Variants in RAPGEF4 observed in about 807,000 individuals in gnomAD.
RAPGEF4 encodes RAP guanine-nucleotide-exchange factor (GEF) 4.
A neutral mutation model predicts 147.9 loss-of-function variants in RAPGEF4; 66 were observed. The ratio of observed to expected loss-of-function variants is 0.45; its 90% CI spans 0.37 to 0.55. RAPGEF4 has a LOEUF of 0.55. Among genes scored for constraint, RAPGEF4 ranks in the 20% least tolerant of loss-of-function variants. The pLI, the probability that RAPGEF4 is intolerant of heterozygous loss-of-function variation, is 0.00. For missense variants in RAPGEF4, 1,071 were observed against 1,257.3 expected (o/e 0.85, Z 2.24); for synonymous variants, 419 against 442.7 (o/e 0.95, Z 0.67).
chr2:173,047,909 C>T (rs2106089207), intron 29 of RAPGEF4, among the ~76,000 whole-genome samples: 1 of 152,282 alleles, frequency 6.6e-6, no homozygotes, highest in East Asian at 1.9e-4. Context: ...ATCTCCTGAC[C>T]TCGTGATCCA....
At chr2:172,840,704 G>C (rs1344593) in intron 4 of RAPGEF4, among the ~76,000 whole-genome samples, 1 of 152,128 alleles carries the variant, frequency 6.6e-6, no homozygotes, top group Non-Finnish European at 1.5e-5. Flanking sequence ...TACTTCTTTT[G>C]TAGGAAAGAA....
intron 4 of RAPGEF4, among the ~76,000 whole-genome samples, chr2:172,852,359 A>C (rs1456755425): frequency 1.3e-5 from 2 of 152,190 alleles, no homozygotes; most frequent in Admixed American, 6.5e-5. Flanking sequence ...TGAATTGTCA[A>C]TAAGTTGATC....
chr2:172,843,125 G>C (rs550608195), intron 4 of RAPGEF4, among the ~76,000 whole-genome samples: 1 of 152,164 alleles, frequency 6.6e-6, no homozygotes, highest in Non-Finnish European at 1.5e-5. Flanking sequence ...TCATTAACTG[G>C]GAGTTTATTA....
chr2:172,736,201 G>C (rs1054345807), intron 1 of RAPGEF4, 153 bp downstream of exon 1: 1 of 441,590 alleles, frequency 2.3e-6, no homozygotes, highest in African/African-American at 2.1e-5. Context: ...TCGTCCGGGA[G>C]ACAGGAGGAC....
intron 6 of RAPGEF4, among the ~76,000 whole-genome samples, 196 bp downstream of exon 6, chr2:172,922,496 G>C (rs184119075): frequency 1.3e-5 from 2 of 152,222 alleles, no homozygotes; most frequent in East Asian, 1.9e-4. Flanking sequence ...TGACATGGTC[G>C]TCACGTGTCC....
At chr2:172,877,806 G>C (rs3769283) in intron 4 of RAPGEF4, among the ~76,000 whole-genome samples, 30,412 of 152,110 alleles carry the variant, frequency 0.2, 3,611 homozygotes, top group Middle Eastern at 0.29. Flanking sequence ...TTATGGGTGA[G>C]GGACCTTCTG....
At chr2:173,039,735 T>C (rs1178388076) in intron 29 of RAPGEF4, among the ~76,000 whole-genome samples, 1 of 152,176 alleles carries the variant, frequency 6.6e-6, no homozygotes, top group Non-Finnish European at 1.5e-5. Flanking sequence ...GAAGCCCTTA[T>C]TTGAAGTATT....
At chr2:172,873,141 A>G (rs530269625) in intron 4 of RAPGEF4, among the ~76,000 whole-genome samples, 2 of 152,302 alleles carry the variant, frequency 1.3e-5, no homozygotes, top group South Asian at 2.1e-4. Context: ...AGTGAATACA[A>G]TGTGTCTATA....
chr2:172,863,975 C>A (rs1694331414), intron 4 of RAPGEF4, among the ~76,000 whole-genome samples: 1 of 152,076 alleles, frequency 6.6e-6, no homozygotes, highest in Admixed American at 6.5e-5. Flanking sequence ...GCAATAATCA[C>A]CAGGATAGAA....
At chr2:172,819,761 G>A (rs1365639766) in intron 4 of RAPGEF4, among the ~76,000 whole-genome samples, 2 of 152,052 alleles carry the variant, frequency 1.3e-5, no homozygotes, top group African/African-American at 2.4e-5. Context: ...CACCGCGCCC[G>A]GCCCATTTTT....
chr2:172,937,232 A>G (rs1162995390), intron 6 of RAPGEF4, among the ~76,000 whole-genome samples: 1 of 151,872 alleles, frequency 6.6e-6, no homozygotes, highest in East Asian at 1.9e-4. Flanking sequence ...TAAAGAAAAA[A>G]AAAAGTCTGT....
At chr2:172,989,678 C>T (rs950451221) in intron 14 of RAPGEF4, among the ~76,000 whole-genome samples, 1 of 152,154 alleles carries the variant, frequency 6.6e-6, no homozygotes, top group Non-Finnish European at 1.5e-5. Flanking sequence ...TCCCACCACC[C>T]GTGGCTTCTC....
intron 23 of RAPGEF4, among the ~76,000 whole-genome samples, chr2:173,023,150 A>G (rs1696276704): frequency 6.6e-6 from 1 of 152,214 alleles, no homozygotes; most frequent in African/African-American, 2.4e-5. Context: ...GAGGAAAGGA[A>G]GATGCTCCGG....
intron 4 of RAPGEF4, among the ~76,000 whole-genome samples, chr2:172,822,819 C>A (rs901196114): frequency 6.6e-6 from 1 of 152,228 alleles, no homozygotes. Context: ...CACTGGGTCT[C>A]CTCACCCACT....
intron 4 of RAPGEF4, among the ~76,000 whole-genome samples, chr2:172,899,042 A>G (rs1281034735): frequency 6.6e-6 from 1 of 152,218 alleles, no homozygotes; most frequent in African/African-American, 2.4e-5. Flanking sequence ...ATGCAGTATT[A>G]TTTTTAAAAC....
At chr2:172,870,381 T>A (rs148778026) in intron 4 of RAPGEF4, among the ~76,000 whole-genome samples, 13 of 152,192 alleles carry the variant, frequency 8.5e-5, no homozygotes, top group African/African-American at 2.9e-4. Context: ...ATCCATCATG[T>A]CTTTTTTGAA....
At chr2:172,944,783 A>C (rs185601332) in intron 6 of RAPGEF4, among the ~76,000 whole-genome samples, 110 of 152,308 alleles carry the variant, frequency 7.2e-4, no homozygotes, top group Admixed American at 2.7e-3. Flanking sequence ...TCCAAAAAAA[A>C]TTATGTCCAC....
Position 172,967,327 on chromosome 2 carries a change from A to T in RAPGEF4, c.887A>T (p.Asp296Val). 6.2e-7 allele frequency: 1 copy of T among 1,612,354 alleles called. No individual in the cohort carries two copies. Among genetic ancestry groups the T allele is most frequent in the Non-Finnish European group, 8.5e-7 (1 of 1,179,816 alleles). ...CGATTTCTGGATGATGAGCACGAGG[A>T]TGCCCCTTTGCCTACTGAGGAGGAG... ...FYRFLDDEHEDAPLPTEEEKK... is the reference protein window; with the variant it reads ...FYRFLDDEHEVAPLPTEEEKK... Residue 296 changes from aspartate to valine, a missense_variant, in exon 10 of 31, where the codon GAT (aspartate) becomes GTT (valine). Transcript: ENST00000397081.
intron 1 of RAPGEF4, among the ~76,000 whole-genome samples, chr2:172,791,234 C>A (rs531661271): frequency 6.6e-6 from 1 of 152,298 alleles, no homozygotes; most frequent in African/African-American, 2.4e-5. Context: ...GTAGGCTCAC[C>A]TCTATGCTAT....
Sources: gnomAD v4.1 joint callset for allele counts (sites outside exome capture counted in the v4.1 genomes callset) on GRCh38, gnomAD v4.1.1 for gene constraint, MANE v1.5 for transcripts, NCBI Gene and HGNC (gene_info 2026-07-23, HGNC 2026-07-21) for gene names.